The following LRP2 variants were observed in gnomAD, a reference collection of about 807,000 sequenced individuals.
LRP2 encodes the protein LDL receptor related protein 2.
In LRP2, 172 loss-of-function variants were observed where a neutral mutation model predicts 531.0. That is an observed-to-expected ratio of 0.32 (90% CI 0.29 to 0.37). The LOEUF (loss-of-function observed/expected upper bound fraction) is 0.37, where lower values mean the gene tolerates loss of function less well. Among genes scored for constraint, LRP2 ranks in the 10% least tolerant of loss-of-function variants. The probability of loss-of-function intolerance (pLI) is 1.00; values close to 1 mark genes in which losing one functional copy is unlikely to be tolerated. For synonymous variants in LRP2, 1,992 were observed against 2,027.6 expected (o/e 0.98, Z 0.47); for missense variants, 5,167 against 5,868.3 (o/e 0.88, Z 3.90).
At chr2:169,327,320 G>GC (rs1685109274) in intron 1 of LRP2, among the ~76,000 whole-genome samples, 15 of 117,764 alleles carry the variant, frequency 1.3e-4, no homozygotes, top group African/African-American at 3.2e-5. Flanking sequence ...GGTGGGGTCA[G>GC]CCCCCCGCCC....
chr2:169,293,996 A>G, intron 6 of LRP2, 152 bp downstream of exon 6: 1 of 706,284 alleles, frequency 1.4e-6, no homozygotes, highest in Non-Finnish European at 2.6e-6. Flanking sequence ...CCCCCTAGTG[A>G]CCGTCTGATT....
chr2:169,315,532 C>T (rs956525093), intron 3 of LRP2, among the ~76,000 whole-genome samples: 1 of 152,230 alleles, frequency 6.6e-6, no homozygotes, highest in Non-Finnish European at 1.5e-5. Context: ...GGCTAGGACA[C>T]AGCATGGCAC....
chr2:169,318,841 C>T lies in LRP2; in HGVS notation c.231G>A (p.Glu77=), dbSNP rs775285827. ...CCCAGGAGTTGGGGATGCATTGTCCCTCACTCTGGCACTTGAAATAGCCCT... is the reference window on the plus strand; with the variant it reads ...CCCAGGAGTTGGGGATGCATTGTCCTTCACTCTGGCACTTGAAATAGCCCT... ...CQQGYFKCQS[E]GQCIPNSWVC... The change falls in exon 3 of 79, where the codon GAG becomes GAA. Residue 77 remains glutamate (E), a synonymous_variant. Coordinates refer to ENST00000649046, the MANE Select transcript of LRP2 (RefSeq NM_004525.3). 3 of 1,614,142 alleles carry T rather than the reference C, an allele frequency of 1.9e-6. No homozygotes were observed. Among genetic ancestry groups the T allele is most frequent in the Non-Finnish European group, 1.7e-6 (2 of 1,180,006 alleles).
At chr2:169,320,996 A>C (rs890619657) in intron 1 of LRP2, 112 bp from the exon 2 acceptor site, 1 of 744,324 alleles carries the variant, frequency 1.3e-6, no homozygotes, top group African/African-American at 1.8e-5. Flanking sequence ...TAATCAAAGA[A>C]ATGCAAATTA....
In LRP2 at chr2:169,280,515, G is replaced by C; in HGVS notation, c.1176C>G (p.Gly392=). ...CATTGGAGAAGATAATGGAGGCCTCGCCAACTAAATGCGAAGAAGGAAGGC... is the reference window on the plus strand; with the variant it reads ...CATTGGAGAAGATAATGGAGGCCTCCCCAACTAAATGCGAAGAAGGAAGGC... ...GQYCKANDSF[G]EASIIFSNGR... is the part of the protein sequence containing the mutation. Residue 392 remains glycine (G), a synonymous_variant, in exon 11 of 79, where the codon GGC becomes GGG. Coordinates refer to ENST00000649046, the MANE Select transcript of LRP2 (RefSeq NM_004525.3). The C allele has an allele frequency of 6.2e-7, 1 of 1,613,934 alleles. No homozygotes were observed. The highest frequency in any genetic ancestry group is 1.1e-5 in the South Asian group (1 of 91,026).
intron 24 of LRP2, among the ~76,000 whole-genome samples, chr2:169,242,162 G>A (rs1228378855): frequency 2.7e-5 from 4 of 149,576 alleles, no homozygotes; most frequent in Non-Finnish European, 4.4e-5. Flanking sequence ...CCTTTCTGAC[G>A]CAGGAGGAGA....
Position 169,226,499 on chromosome 2 carries a change from G to T in LRP2, c.5317C>A (p.Pro1773Thr). The T allele has an allele frequency of 6.3e-7, 1 of 1,599,102 alleles. No homozygotes were observed. Among genetic ancestry groups the T allele is most frequent in the Non-Finnish European group, 8.6e-7 (1 of 1,166,438 alleles). ...AAACCATTCTGTATCCCTGCTATGGGGACCATAGCATCATTGCTCTTCACC... is the reference window on the plus strand; with the variant it reads ...AAACCATTCTGTATCCCTGCTATGGTGACCATAGCATCATTGCTCTTCACC... ...PEVKSNDAMV[P>T]IAGIQNGLDV... is the part of the protein sequence containing the mutation. Residue 1773 changes from proline to threonine, a missense_variant, in exon 32 of 79, where the codon CCC becomes ACC. Pro to Thr is a conservative substitution (Grantham distance 38). Around this residue, in one of 6 missense-constraint regions of LRP2, gnomAD observed 2,811 missense variants for 3,058.0 expected, o/e 0.92. Coordinates refer to ENST00000649046, the MANE Select transcript of LRP2 (RefSeq NM_004525.3).
intron 6 of LRP2, among the ~76,000 whole-genome samples, chr2:169,293,811 A>G (rs767298912): frequency 3.3e-5 from 5 of 152,218 alleles, no homozygotes; most frequent in Non-Finnish European, 7.3e-5. Context: ...TCATTCTACT[A>G]TCAAGGTTGT....
chr2:169,352,534 C>T, intron 1 of LRP2, among the ~76,000 whole-genome samples: 1 of 152,136 alleles, frequency 6.6e-6, no homozygotes, highest in Non-Finnish European at 1.5e-5. Context: ...CACACGTTCC[C>T]AAAAATTGGT....
At chr2:169,267,169 A>G (rs574626276) in intron 16 of LRP2, among the ~76,000 whole-genome samples, 96 of 152,146 alleles carry the variant, frequency 6.3e-4, no homozygotes, top group African/African-American at 2.3e-3. Context: ...TGTTTCTAAA[A>G]TAAAGGAAAG....
intron 63 of LRP2, 81 bp from the exon 64 acceptor site, chr2:169,157,583 C>T (rs781218013): frequency 8.1e-5 from 122 of 1,501,210 alleles, no homozygotes; most frequent in Middle Eastern, 2.1e-4. Flanking sequence ...AGCACCTACT[C>T]GTAACCAACT....
intron 16 of LRP2, among the ~76,000 whole-genome samples, chr2:169,260,945 G>C (rs1426607381): frequency 6.6e-6 from 1 of 151,914 alleles, no homozygotes; most frequent in East Asian, 1.9e-4. Context: ...TTTGAGAGAA[G>C]ATGGCTGAAG....
At chr2:169,227,584 T>G (rs1336713012) in intron 31 of LRP2, among the ~76,000 whole-genome samples, 1 of 152,188 alleles carries the variant, frequency 6.6e-6, no homozygotes, top group Non-Finnish European at 1.5e-5. Context: ...AAGTATGAAA[T>G]GATTAATCAT....
At chr2:169,235,335 G>A (rs925872955) in intron 29 of LRP2, among the ~76,000 whole-genome samples, 8 of 151,846 alleles carry the variant, frequency 5.3e-5, no homozygotes, top group South Asian at 2.1e-4. Context: ...TGCTTCCCGG[G>A]TTCAAGCAAT....
At chr2:169,292,664 G>A (rs1331624177) in intron 6 of LRP2, among the ~76,000 whole-genome samples, 4 of 151,240 alleles carry the variant, frequency 2.6e-5, no homozygotes, top group Non-Finnish European at 5.9e-5. Flanking sequence ...CCAAAAATAC[G>A]AAAAATAAAA....
chr2:169,230,971 C>T (rs1484691124), intron 31 of LRP2, among the ~76,000 whole-genome samples: 2 of 152,094 alleles, frequency 1.3e-5, no homozygotes, highest in African/African-American at 2.4e-5. Context: ...GGCTAGAACA[C>T]TCATTAACTA....
chr2:169,157,452 T>C lies in LRP2; in HGVS notation c.11938A>G (p.Thr3980Ala), dbSNP rs915894748. 19 of 1,613,060 alleles carry C rather than the reference T, an allele frequency of 1.2e-5. No individual in the cohort carries two copies. The highest frequency in any genetic ancestry group is 1.6e-5 in the Non-Finnish European group (19 of 1,179,462). The change falls in exon 64 of 79, where the codon ACC becomes GCC. Residue 3980 changes from threonine to alanine, a missense_variant. Coordinates refer to ENST00000649046, the MANE Select transcript of LRP2 (RefSeq NM_004525.3). Reference protein sequence around the residue: ...CAENICEQNCTQLNEGGFICS... With the variant: ...CAENICEQNCAQLNEGGFICS... The stretch of plus-strand genomic sequence containing the variant: ...ATAAATCCTCCTTCATTTAATTGGG[T>C]ACAATTTTGCTCGCATATATTTTCA...
intron 58 of LRP2, among the ~76,000 whole-genome samples, chr2:169,171,586 A>G (rs1687007997): frequency 6.6e-6 from 1 of 152,162 alleles, no homozygotes; most frequent in Non-Finnish European, 1.5e-5. Flanking sequence ...CTCCTCTCCT[A>G]TGAAGGCCAT....
rs950954047 is a variant in LRP2 at position 169,274,897 on chromosome 2, A to G, written c.1975+139T>C. 5.0e-5 allele frequency: 41 copies of G among 816,186 alleles called. 2 individuals carry two copies. In the South Asian group the frequency reaches 5.1e-4, roughly 10 times the overall value. The allele number at this position is 816,186 out of a possible 1,614,324, so 50.6% of individuals were successfully genotyped here. On this transcript the variant is annotated intron_variant, in intron 14 of 78. Transcript: ENST00000649046. ...TGCAGAACCAGTTTCAGAGAGTTTA[A>G]CACTCTGGGTAACCCTTCATATACT...
Sources: allele counts gnomAD v4.1 joint callset (sites outside exome capture counted in the v4.1 genomes callset), GRCh38; gene constraint gnomAD v4.1.1; regional missense constraint gnomAD v4.1.1; transcripts MANE v1.5; gene names NCBI Gene and HGNC (gene_info 2026-07-23, HGNC 2026-07-21).